AOAH: variants seen among roughly 807,000 people sequenced by gnomAD.
AOAH encodes the protein acyloxyacyl hydrolase.
In AOAH, 64 loss-of-function variants were observed where a neutral mutation model predicts 92.2. The ratio of observed to expected loss-of-function variants is 0.69; its 90% CI spans 0.57 to 0.86. The LOEUF is 0.86. Ranked by LOEUF, AOAH falls within the 40% of genes least tolerant of loss-of-function variation. AOAH has a pLI of 0.00. For missense variants in AOAH, 656 were observed against 694.6 expected (o/e 0.94, Z 0.62); for synonymous variants, 263 against 254.5 (o/e 1.03, Z -0.32).
rs2116055347 is a variant in AOAH at position 36,620,772 on chromosome 7, G to T, written c.702+9C>A. 6.2e-7 allele frequency: 1 copy of T among 1,613,426 alleles called. No individual in the cohort carries two copies. Among genetic ancestry groups the T allele is most frequent in the East Asian group, 2.2e-5 (1 of 44,858 alleles). On this transcript the variant is annotated intron_variant, in intron 9 of 20. Coordinates refer to ENST00000617537, the MANE Select transcript of AOAH (RefSeq NM_001637.4). ...GAGAATGGGGTTCAAGCTGAATTTA[G>T]TTGCTTACCCAAATGCCATTACAGT...
At chr7:36,551,003 G>A (rs1022324526) in intron 13 of AOAH, among the ~76,000 whole-genome samples, 2 of 151,948 alleles carry the variant, frequency 1.3e-5, no homozygotes, top group African/African-American at 4.8e-5. Flanking sequence ...GTTGATTCAG[G>A]AAATGTTAGC....
chr7:36,555,899 C>T (rs534753051), intron 13 of AOAH, among the ~76,000 whole-genome samples: 130 of 152,148 alleles, frequency 8.5e-4, no homozygotes, highest in Non-Finnish European at 1.5e-3. Context: ...GTCTTGCTAG[C>T]GGTCTATCAA....
intron 1 of AOAH, among the ~76,000 whole-genome samples, chr7:36,716,156 G>A (rs556525734): frequency 1.5e-3 from 221 of 152,300 alleles, no homozygotes; most frequent in African/African-American, 5.2e-3. Context: ...CCATCAAAAA[G>A]TGGGCAAAGG....
chr7:36,592,687 ATC>A (rs946875323), intron 12 of AOAH, among the ~76,000 whole-genome samples: 1 of 152,326 alleles, frequency 6.6e-6, no homozygotes, highest in African/African-American at 2.4e-5. Context: ...TTGCCCTTGG[ATC>A]TCTCAACTGC....
intron 1 of AOAH, among the ~76,000 whole-genome samples, chr7:36,689,272 A>G (rs1394357291): frequency 2.6e-5 from 4 of 152,150 alleles, no homozygotes; most frequent in Non-Finnish European, 5.9e-5. Context: ...GCTGCTCACA[A>G]TCAAGGAAGA....
At chr7:36,521,018 G>T (rs998156686) in intron 20 of AOAH, among the ~76,000 whole-genome samples, 2 of 152,134 alleles carry the variant, frequency 1.3e-5, no homozygotes, top group Non-Finnish European at 2.9e-5. Flanking sequence ...TGTTCCTTTT[G>T]AGGTGATTCT....
At chr7:36,594,214 C>T (rs1403443255) in intron 12 of AOAH, 125 bp downstream of exon 12, 1 of 768,150 alleles carries the variant, frequency 1.3e-6, no homozygotes. Context: ...TGGATGAACT[C>T]AAATTCATGT....
chr7:36,630,785 T>C (rs1793018840), intron 6 of AOAH, among the ~76,000 whole-genome samples: 1 of 152,132 alleles, frequency 6.6e-6, no homozygotes, highest in African/African-American at 2.4e-5. Flanking sequence ...AGAAGCAGCA[T>C]TGCAAAGAAG....
chr7:36,640,947 A>C (rs553934559), intron 4 of AOAH, among the ~76,000 whole-genome samples: 1 of 152,230 alleles, frequency 6.6e-6, no homozygotes, highest in Non-Finnish European at 1.5e-5. Context: ...CCAGGCTCGG[A>C]ATAGCTGTGC....
At chr7:36,582,784 A>AC (rs1451930714) in intron 12 of AOAH, among the ~76,000 whole-genome samples, 6 of 152,074 alleles carry the variant, frequency 3.9e-5, no homozygotes, top group Non-Finnish European at 7.4e-5. Flanking sequence ...TCTGAGGTAA[A>AC]CCAGATGTGA....
intron 13 of AOAH, among the ~76,000 whole-genome samples, chr7:36,567,434 T>C (rs1787794789): frequency 6.6e-6 from 1 of 152,206 alleles, no homozygotes; most frequent in Non-Finnish European, 1.5e-5. Flanking sequence ...TTTCCTCAAC[T>C]GTAAAATGGA....
chr7:36,523,629 G>GTTTTTTTTTTTTTTTTTTTTTTTTTTTT (rs57628897), intron 19 of AOAH, among the ~76,000 whole-genome samples: 1 of 100,138 alleles, frequency 1.0e-5, no homozygotes, highest in African/African-American at 4.1e-5. Flanking sequence ...TGTTTTGCCT[G>GTTTTTTTTTTTTTTTTTTTTTTTTTTTT]TTTTTTTTTT....
At chr7:36,594,248 C>G in intron 12 of AOAH, 91 bp downstream of exon 12, 1 of 985,528 alleles carries the variant, frequency 1.0e-6, no homozygotes. Flanking sequence ...CCTAATAATT[C>G]GCATTTCAAC....
At chr7:36,634,683 A>AGAG (rs1310024691) in intron 5 of AOAH, among the ~76,000 whole-genome samples, 3 of 152,238 alleles carry the variant, frequency 2.0e-5, no homozygotes, top group Non-Finnish European at 4.4e-5. Context: ...TCTGAGATCC[A>AGAG]GAGTCCAAAG....
Position 36,623,684 on chromosome 7 carries a change from C to A in AOAH, c.522-434G>T, listed in dbSNP as rs377070892. Among the ~76,000 whole-genome samples the A allele has an allele frequency of 3.9e-5, 6 of 152,282 alleles. No homozygotes were observed. In the South Asian group the frequency reaches 1.0e-3, roughly 26 times the overall value. On this transcript the variant is annotated intron_variant, in intron 6 of 20. Coordinates refer to ENST00000617537, the MANE Select transcript of AOAH (RefSeq NM_001637.4). The stretch of plus-strand genomic sequence containing the variant: ...CAATCACTTATCCTGAGAATCTTGA[C>A]CATTTAGCTGATATTAGCTGGCAAC...
chr7:36,616,317 G>A (rs1791876349), intron 11 of AOAH, 63 bp downstream of exon 11: 6 of 1,351,840 alleles, frequency 4.4e-6, no homozygotes, highest in Non-Finnish European at 6.3e-6. Context: ...CATTTAGAGA[G>A]AGCAAGAGGA....
In AOAH at chr7:36,530,417, C is replaced by T. The variant is rs767622605; in HGVS notation, c.1522+1G>A. On this transcript the variant is annotated splice_donor_variant, in intron 19 of 20. Transcript: ENST00000617537. LOFTEE classifies it high-confidence loss of function. ...GTCAATACCCAAACAAAGCTACTTA[C>T]TTTCATGGAAGGCAAAATCCATGTA... is the stretch of plus-strand genomic sequence containing the variant. 6.2e-7 allele frequency: 1 copy of T among 1,605,892 alleles called. No individual in the cohort carries two copies. Among genetic ancestry groups the T allele is most frequent in the Admixed American group, 1.7e-5 (1 of 59,984 alleles).
intron 13 of AOAH, among the ~76,000 whole-genome samples, chr7:36,564,711 C>T (rs1375548651): frequency 6.6e-6 from 1 of 152,244 alleles, no homozygotes; most frequent in East Asian, 1.9e-4. Flanking sequence ...AAGGCATTTG[C>T]TTCTGAATTT....
In AOAH at chr7:36,724,087, G is replaced by T; in HGVS notation, c.62C>A (p.Ser21Tyr). ...APLFLLLSLQ[S>Y]SASPANDDQS... ...GTCATCGTTGGCTGGAGAGGCCGAG[G>T]ACTGAAGAGACAGGAGCAAGAATAG... Residue 21 changes from serine to tyrosine, a missense_variant, in exon 1 of 21, where the codon TCC (serine) becomes TAC (tyrosine). Ser to Tyr is a moderately radical substitution (Grantham distance 144). Coordinates refer to ENST00000617537, the MANE Select transcript of AOAH (RefSeq NM_001637.4). 1 of 1,613,786 alleles carries T rather than the reference G, an allele frequency of 6.2e-7. No individual in the cohort carries two copies. The highest frequency in any genetic ancestry group is 1.1e-5 in the South Asian group (1 of 91,068).
Sources: gnomAD v4.1 joint callset for allele counts (sites outside exome capture counted in the v4.1 genomes callset) on GRCh38, gnomAD v4.1.1 for gene constraint, MANE v1.5 for transcripts, NCBI Gene and HGNC (gene_info 2026-07-23, HGNC 2026-07-21) for gene names.